Variants in SCN3A observed in about 807,000 individuals in gnomAD.
SCN3A encodes sodium channel protein type 3 subunit alpha.
SCN3A carries 60 observed loss-of-function variants against 187.6 expected under a neutral mutation model. That is an observed-to-expected ratio of 0.32 (90% CI 0.26 to 0.40). The LOEUF (loss-of-function observed/expected upper bound fraction) is 0.40, where lower values mean the gene tolerates loss of function less well. Ranked by LOEUF, SCN3A falls within the 10% of genes least tolerant of loss-of-function variation. SCN3A has a pLI of 1.00. For missense variants in SCN3A, 1,601 were observed against 2,428.2 expected, an observed-to-expected ratio of 0.66 and a Z score of 7.16; for synonymous variants, 788 against 829.2, an observed-to-expected ratio of 0.95 and a Z score of 0.85.
chr2:165,178,123 G>C (rs1279750168), intron 2 of SCN3A, among the ~76,000 whole-genome samples: 1 of 151,966 alleles, frequency 6.6e-6, no homozygotes, highest in Non-Finnish European at 1.5e-5. Context: ...AAACAATATA[G>C]CTTATTATGT....
At chr2:165,142,365 C>T (rs1449942833) in intron 12 of SCN3A, among the ~76,000 whole-genome samples, 1 of 152,174 alleles carries the variant, frequency 6.6e-6, no homozygotes, top group African/African-American at 2.4e-5. Context: ...ATTTTCATGG[C>T]TTTTCCCAGA....
intron 21 of SCN3A, 89 bp downstream of exon 21, chr2:165,112,796 T>C: frequency 4.5e-6 from 5 of 1,114,904 alleles, no homozygotes. Flanking sequence ...TATGTCATTA[T>C]TAGTGAAAGT....
chr2:165,100,373 C>T lies in SCN3A; in HGVS notation c.3895G>A (p.Ala1299Thr). ...ANALGYSELG[A>T]IKSLRTLRAL... ...CTTAATGTCCGTAATGATTTGATGG[C>T]ACCGAGTTCTGAGTAGCCAAGAGCA... The change falls in exon 22 of 28, where the codon GCC (alanine) becomes ACC (threonine). Residue 1299 changes from alanine (A) to threonine (T), a missense_variant. Around this residue, in one of 11 missense-constraint regions of SCN3A, gnomAD observed 320 missense variants for 623.2 expected, o/e 0.51. Transcript: ENST00000283254. The T allele has an allele frequency of 6.2e-7, 1 of 1,613,906 alleles. No homozygotes were observed. Among genetic ancestry groups the T allele is most frequent in the South Asian group, 1.1e-5 (1 of 91,068 alleles).
intron 10 of SCN3A, among the ~76,000 whole-genome samples, 165 bp downstream of exon 10, chr2:165,155,597 C>CTGGTAGA (rs1688972014): frequency 1.3e-5 from 2 of 152,096 alleles, no homozygotes; most frequent in Non-Finnish European, 1.5e-5. Flanking sequence ...TGGGGTTTTG[C>CTGGTAGA]CATGTTGTTC....
chr2:165,184,894 C>T (rs1344761821), intron 2 of SCN3A, among the ~76,000 whole-genome samples: 1 of 152,156 alleles, frequency 6.6e-6, no homozygotes, highest in African/African-American at 2.4e-5. Flanking sequence ...AGTAACTCTA[C>T]AGCAAGGGTA....
intron 7 of SCN3A, among the ~76,000 whole-genome samples, chr2:165,163,198 A>G (rs934547562): frequency 1.1e-4 from 16 of 150,398 alleles, no homozygotes; most frequent in African/African-American, 3.7e-4. Flanking sequence ...TTTAGAGGAG[A>G]AAAGAATTTT....
In SCN3A at chr2:165,140,901, T is replaced by G. The variant is rs1264192677; in HGVS notation, c.1769A>C (p.Glu590Ala). Reference sequence around the variant, plus strand: ...GTGTTCATCATCAGCAAAGTCATTTTCAGATCCAACATCCTTTGCCCGACC... The same window carrying G: ...GTGTTCATCATCAGCAAAGTCATTTGCAGATCCAACATCCTTTGCCCGACC... ...FRGRAKDVGS[E>A]NDFADDEHST... Residue 590 changes from glutamate to alanine, a missense_variant, in exon 13 of 28, where the codon GAA becomes GCA. By Grantham distance (107) the Glu-to-Ala change is moderately radical. Coordinates refer to ENST00000283254, the MANE Select transcript of SCN3A (RefSeq NM_006922.4). The surrounding 1 kb of genome is among the most constrained non-coding windows in gnomAD (Gnocchi z 4.2). 3 of 1,614,024 alleles carry G rather than the reference T, an allele frequency of 1.9e-6. No individual in the cohort carries two copies. The highest frequency in any genetic ancestry group is 1.3e-5 in the African/African-American group (1 of 74,942).
At chr2:165,122,122 C>G (rs370935021) in intron 18 of SCN3A, among the ~76,000 whole-genome samples, 1 of 151,868 alleles carries the variant, frequency 6.6e-6, no homozygotes, top group East Asian at 1.9e-4. Context: ...TTTTCCCAAC[C>G]TACATGAAAA....
At chr2:165,158,486 A>C (rs1486703908) in intron 9 of SCN3A, among the ~76,000 whole-genome samples, 2 of 136,674 alleles carry the variant, frequency 1.5e-5, no homozygotes, top group Non-Finnish European at 3.0e-5. Context: ...AAATGCATTA[A>C]GTTTCATATT....
intron 20 of SCN3A, among the ~76,000 whole-genome samples, 184 bp from the exon 21 acceptor site, chr2:165,113,242 A>G (rs868592405): frequency 7.9e-5 from 12 of 152,306 alleles, no homozygotes; most frequent in Middle Eastern, 3.4e-3. Flanking sequence ...GGGAAACGTC[A>G]TGCCTTTAGT....
At chr2:165,188,579 G>A (rs1018954053) in intron 1 of SCN3A, among the ~76,000 whole-genome samples, 12 of 152,034 alleles carry the variant, frequency 7.9e-5, no homozygotes, top group African/African-American at 2.7e-4. Context: ...CACAAGGTCA[G>A]GAGTTTGAGA....
intron 17 of SCN3A, among the ~76,000 whole-genome samples, chr2:165,129,024 A>T (rs561431537): frequency 6.6e-6 from 1 of 152,312 alleles, no homozygotes; most frequent in Admixed American, 6.5e-5. Flanking sequence ...GCAAGGCAAA[A>T]GCCCCAGTTT....
chr2:165,118,909 C>A (rs547992804), intron 18 of SCN3A, among the ~76,000 whole-genome samples: 1 of 152,108 alleles, frequency 6.6e-6, no homozygotes, highest in Admixed American at 6.6e-5. Context: ...ACTACAGGCG[C>A]CCGCCACCAT....
intron 21 of SCN3A, among the ~76,000 whole-genome samples, chr2:165,105,061 G>T (rs1242811162): frequency 6.6e-6 from 1 of 152,142 alleles, no homozygotes; most frequent in African/African-American, 2.4e-5. Flanking sequence ...TGATCAGAAG[G>T]CTCTGGAACT....
At chr2:165,145,882 C>A (rs1688287920) in intron 12 of SCN3A, among the ~76,000 whole-genome samples, 1 of 151,986 alleles carries the variant, frequency 6.6e-6, no homozygotes, top group Non-Finnish European at 1.5e-5. Flanking sequence ...GTGTTCAAAG[C>A]CAAAATTGTA....
intron 1 of SCN3A, among the ~76,000 whole-genome samples, chr2:165,191,260 A>G (rs1691593850): frequency 6.6e-6 from 1 of 151,952 alleles, no homozygotes; most frequent in Non-Finnish European, 1.5e-5. Context: ...AATTGCTTTC[A>G]GTCTCCCTGC....
rs1456422729 is a variant in SCN3A at position 165,092,662 on chromosome 2, T to C, written c.4537-138A>G. On this transcript the variant is annotated intron_variant, in intron 26 of 27. Transcript: ENST00000283254. This position sits in a 1 kb window ranked among gnomAD's most constrained non-coding sequence, Gnocchi z 4.2. ...TATTACCCCAAACAATTTTGTGTGCTTTTTTTCTCTTCATGTTAAAAAAAA... is the reference window on the plus strand; with the variant it reads ...TATTACCCCAAACAATTTTGTGTGCCTTTTTTCTCTTCATGTTAAAAAAAA... 6 of 782,172 alleles carry C rather than the reference T, an allele frequency of 7.7e-6. No individual in the cohort carries two copies. In the African/African-American group the frequency reaches 1.1e-4, roughly 14 times the overall value. The allele number at this position is 782,172 out of a possible 1,614,324, so 48.5% of individuals were successfully genotyped here.
chr2:165,168,588 C>T, intron 5 of SCN3A, 148 bp downstream of exon 5: 1 of 673,432 alleles, frequency 1.5e-6, no homozygotes, highest in Non-Finnish European at 2.7e-6. Flanking sequence ...AATAGCTCCC[C>T]CAAAGAACTT....
At chr2:165,201,806 C>T (rs887119623) in intron 1 of SCN3A, among the ~76,000 whole-genome samples, 1 of 151,978 alleles carries the variant, frequency 6.6e-6, no homozygotes, top group Non-Finnish European at 1.5e-5. Context: ...ATTTACAACT[C>T]AGTGAGAGTC....
Sources: allele counts gnomAD v4.1 joint callset (sites outside exome capture counted in the v4.1 genomes callset), GRCh38; gene constraint gnomAD v4.1.1; regional missense constraint gnomAD v4.1.1; non-coding constraint Gnocchi (gnomAD v3.1); transcripts MANE v1.5; gene names NCBI Gene and HGNC (gene_info 2026-07-23, HGNC 2026-07-21).